Variants in AUTS2 observed in about 807,000 individuals in gnomAD.
AUTS2 encodes autism susceptibility gene 2 protein.
Under a neutral mutation model 112.4 loss-of-function variants are expected in AUTS2, and 17 were observed. The ratio of observed to expected loss-of-function variants is 0.15; its 90% CI spans 0.10 to 0.23. AUTS2 has a LOEUF of 0.23. AUTS2 is among the 10% of genes least tolerant of loss of function. AUTS2 has a pLI of 1.00. For missense variants in AUTS2, 1,510 were observed against 1,701.6 expected (o/e 0.89, Z 1.98); for synonymous variants, 751 against 702.7 (o/e 1.07, Z -1.09).
intron 1 of AUTS2, among the ~76,000 whole-genome samples, chr7:69,847,711 G>T (rs539288044): frequency 6.6e-6 from 1 of 152,274 alleles, no homozygotes; most frequent in Admixed American, 6.5e-5. Flanking sequence ...TTTGTGAGGT[G>T]GGCAAGAGTA....
chr7:70,695,181 G>A, intron 5 of AUTS2: 1 of 152,444 alleles, frequency 6.6e-6, no homozygotes, highest in Non-Finnish European at 1.5e-5. Context: ...CCCGTCTGGC[G>A]CGCCCAAGCG....
intron 4 of AUTS2, among the ~76,000 whole-genome samples, chr7:70,223,783 C>T (rs773300917): frequency 2.0e-5 from 3 of 151,270 alleles, no homozygotes; most frequent in Non-Finnish European, 4.4e-5. Context: ...AGATGTGCAG[C>T]TGGAAGACAG....
intron 1 of AUTS2, among the ~76,000 whole-genome samples, chr7:69,734,363 T>G (rs1342705360): frequency 6.6e-6 from 1 of 151,710 alleles, no homozygotes; most frequent in Non-Finnish European, 1.5e-5. Flanking sequence ...TTTTTTTTTT[T>G]TTAATGTCTT....
Position 70,347,904 on chromosome 7 carries a change from G to T in AUTS2, c.661-87848G>T, listed in dbSNP as rs1006704398. Among the ~76,000 whole-genome samples, 3 of 152,118 alleles carry T rather than the reference G, an allele frequency of 2.0e-5. No individual in the cohort carries two copies. In the South Asian group the frequency reaches 6.2e-4, roughly 32 times the overall value. On this transcript the variant is annotated intron_variant, in intron 4 of 18. Transcript: ENST00000342771. ...CCTTAAACCACTCTCTGCTCTGCTGGCTTATGTCATCCTCCTGCTCCTTTG... is the reference window on the plus strand; with the variant it reads ...CCTTAAACCACTCTCTGCTCTGCTGTCTTATGTCATCCTCCTGCTCCTTTG...
intron 4 of AUTS2, among the ~76,000 whole-genome samples, chr7:70,378,678 A>G (rs1793229118): frequency 6.6e-6 from 1 of 152,244 alleles, no homozygotes; most frequent in African/African-American, 2.4e-5. Context: ...AGAAAAGTGG[A>G]TTGCATCTAT....
At chr7:70,778,950 C>A (rs1790882830) in intron 14 of AUTS2, among the ~76,000 whole-genome samples, 1 of 152,166 alleles carries the variant, frequency 6.6e-6, no homozygotes, top group African/African-American at 2.4e-5. Context: ...ATAAAAGTGT[C>A]CCCAGTGACT....
chr7:70,148,071 G>A (rs1238022380), intron 4 of AUTS2, among the ~76,000 whole-genome samples: 2 of 152,026 alleles, frequency 1.3e-5, no homozygotes, highest in East Asian at 3.9e-4. Flanking sequence ...TTAATTCCCT[G>A]TAAGTGTTTA....
intron 5 of AUTS2, among the ~76,000 whole-genome samples, chr7:70,629,924 C>T (rs908875764): frequency 6.6e-6 from 1 of 152,004 alleles, no homozygotes; most frequent in Non-Finnish European, 1.5e-5. Flanking sequence ...ATATTGGAGT[C>T]GTGTAGTCCA....
intron 2 of AUTS2, among the ~76,000 whole-genome samples, chr7:69,950,508 C>G (rs916270577): frequency 6.6e-6 from 1 of 152,072 alleles, no homozygotes; most frequent in Non-Finnish European, 1.5e-5. Context: ...TGTTGGGAGA[C>G]AGTGTGTTAA....
At chr7:70,281,361 T>A (rs1788206704) in intron 4 of AUTS2, among the ~76,000 whole-genome samples, 1 of 152,148 alleles carries the variant, frequency 6.6e-6, no homozygotes, top group Non-Finnish European at 1.5e-5. Flanking sequence ...GAGAAAGAGA[T>A]TAGTTTGCAA....
At chr7:69,614,368 T>TCTTTCTTTCTTTCTTTCTTTCTTTCTTTC (rs1474509971) in intron 1 of AUTS2, among the ~76,000 whole-genome samples, 1 of 19,534 alleles carries the variant, frequency 5.1e-5, no homozygotes, top group Non-Finnish European at 1.1e-4. Context: ...TTCTTTCTTT[T>TCTTTCTTTCTTTCTTTCTTTCTTTCTTTC]TTTAAGAGAT....
chr7:70,529,369 G>A (rs758145293), intron 5 of AUTS2, among the ~76,000 whole-genome samples: 1 of 152,190 alleles, frequency 6.6e-6, no homozygotes, highest in Non-Finnish European at 1.5e-5. Context: ...GACAGATAGA[G>A]TGACTCTCGT....
intron 5 of AUTS2, among the ~76,000 whole-genome samples, chr7:70,507,751 C>T (rs1055470586): frequency 2.0e-5 from 3 of 152,152 alleles, no homozygotes; most frequent in African/African-American, 7.2e-5. Context: ...GAGCCAAGAT[C>T]GCACCATTGT....
chr7:70,009,211 A>C (rs1339440208), intron 2 of AUTS2, among the ~76,000 whole-genome samples: 2 of 151,984 alleles, frequency 1.3e-5, no homozygotes, highest in South Asian at 2.1e-4. Flanking sequence ...ATAACAACCC[A>C]CTCTCGCAAT....
At chr7:69,953,922 C>A (rs571903002) in intron 2 of AUTS2, among the ~76,000 whole-genome samples, 5 of 152,214 alleles carry the variant, frequency 3.3e-5, no homozygotes, top group Middle Eastern at 3.4e-3. Flanking sequence ...TCTGCATATA[C>A]CTCACAGCTG....
At chr7:70,685,506 A>G (rs1808430085) in intron 5 of AUTS2, among the ~76,000 whole-genome samples, 1 of 151,834 alleles carries the variant, frequency 6.6e-6, no homozygotes, top group Admixed American at 6.6e-5. Flanking sequence ...AGAAGAAAAA[A>G]GAGAAATAGT....
At chr7:70,083,820 A>G (rs918800833) in intron 2 of AUTS2, among the ~76,000 whole-genome samples, 1 of 152,088 alleles carries the variant, frequency 6.6e-6, no homozygotes, top group Non-Finnish European at 1.5e-5. Context: ...GTTGGTTCGT[A>G]TCTGTAGTCC....
At position 70,631,542 on chromosome 7, in the gene AUTS2, C is replaced by G. The variant is rs1328483141; in HGVS notation, c.691-67027C>G. Among the ~76,000 whole-genome samples the G allele has an allele frequency of 6.6e-6, 1 of 152,148 alleles. No homozygotes were observed. The highest frequency in any genetic ancestry group is 2.4e-5 in the African/African-American group (1 of 41,434). On this transcript the variant is annotated intron_variant, in intron 5 of 18. Coordinates refer to ENST00000342771, the MANE Select transcript of AUTS2 (RefSeq NM_015570.4). This position sits in a 1 kb window ranked among gnomAD's most constrained non-coding sequence, Gnocchi z 4.5. ...AACCTAGAATGTGGGCTGGAGAGCG[C>G]TGTCCCAGTGGTGGCCCCGAGGCCA... is the stretch of plus-strand genomic sequence containing the variant.
intron 1 of AUTS2, among the ~76,000 whole-genome samples, chr7:69,603,850 A>G (rs1302195179): frequency 6.6e-6 from 1 of 152,186 alleles, no homozygotes; most frequent in African/African-American, 2.4e-5. Flanking sequence ...TACTACCATC[A>G]GTGTGTCCTG....
Sources: gnomAD v4.1 joint callset for allele counts (sites outside exome capture counted in the v4.1 genomes callset) on GRCh38, gnomAD v4.1.1 for gene constraint, Gnocchi (gnomAD v3.1) non-coding constraint, MANE v1.5 for transcripts, NCBI Gene and HGNC (gene_info 2026-07-23, HGNC 2026-07-21) for gene names.